Variants in STX3 observed in about 807,000 individuals in gnomAD.
STX3 encodes the protein syntaxin 3.
Under a neutral mutation model 40.2 loss-of-function variants are expected in STX3, and 19 were observed. That is an observed-to-expected ratio of 0.47 (90% CI 0.33 to 0.69). The LOEUF (loss-of-function observed/expected upper bound fraction) is 0.69, where lower values mean the gene tolerates loss of function less well. STX3 is among the 30% of genes least tolerant of loss of function. STX3 has a pLI of 0.02. For synonymous variants in STX3, 122 were observed against 132.2 expected (o/e 0.92, Z 0.53); for missense variants, 364 against 366.7 (o/e 0.99, Z 0.06).
Position 59,801,991 on chromosome 11 carries a change from C to T in STX3, c.*1167C>T. ...GAACTCTGGAGTGAGCTAAATTGAT[C>T]CCAATTAAGTTTTTCTGCTTAGCAG... On this transcript the variant is annotated 3_prime_UTR_variant, in exon 11 of 11. Coordinates refer to ENST00000337979, the MANE Select transcript of STX3 (RefSeq NM_004177.5). 1 of 985,392 alleles carries T rather than the reference C, an allele frequency of 1.0e-6. No homozygotes were observed. The allele number at this position is 985,392 out of a possible 1,614,324, so 61.0% of individuals were successfully genotyped here.
chr11:59,789,033 C>T (rs1203467739), intron 4 of STX3, 86 bp downstream of exon 4: 13 of 1,225,060 alleles, frequency 1.1e-5, no homozygotes, highest in Non-Finnish European at 1.5e-5. Flanking sequence ...ACTGAAACTC[C>T]TCTTGATGGA....
intron 2 of STX3, among the ~76,000 whole-genome samples, chr11:59,786,279 G>A (rs1025985696): frequency 5.7e-5 from 8 of 139,956 alleles, no homozygotes; most frequent in East Asian, 4.1e-4. Flanking sequence ...TCGCTGTGTC[G>A]TCCAGGCTGG....
chr11:59,802,227 TATC>T lies in STX3; in HGVS notation c.*1406_*1408del, dbSNP rs1865911933. ...CAGGTTCTTTGTCTCACTGAATTCT[TATC>T]ATGGAAACAGCAGCAGCAGCCGCTA... On this transcript the variant is annotated 3_prime_UTR_variant, in exon 11 of 11. Coordinates refer to ENST00000337979, the MANE Select transcript of STX3 (RefSeq NM_004177.5). 4 of 985,390 alleles carry T rather than the reference TATC, an allele frequency of 4.1e-6. No homozygotes were observed. The highest frequency in any genetic ancestry group is 6.1e-5 in the Admixed American group (1 of 16,270). The allele number at this position is 985,390 out of a possible 1,614,324, so 61.0% of individuals were successfully genotyped here. A position where few individuals can be genotyped will look rare whatever the true frequency, so the allele number is the denominator to read the frequency against.
intron 1 of STX3, among the ~76,000 whole-genome samples, chr11:59,765,801 C>CACAAACAA (rs1565163977): frequency 4.7e-5 from 7 of 150,348 alleles, no homozygotes; most frequent in Non-Finnish European, 8.9e-5. Flanking sequence ...AAGACTCTGT[C>CACAAACAA]TCAAACAAAC....
chr11:59,800,675 G>T, intron 10 of STX3, 180 bp from the exon 11 acceptor site: 1 of 985,374 alleles, frequency 1.0e-6, no homozygotes, highest in East Asian at 1.1e-4. Context: ...CCCTCTCACA[G>T]TAGGGCTTTT....
chr11:59,795,472 A>G lies in STX3; in HGVS notation c.776A>G (p.Gln259Arg), dbSNP rs779445211. The G allele has an allele frequency of 3.7e-6, 6 of 1,611,330 alleles. No individual in the cohort carries two copies. In the East Asian group the frequency reaches 1.3e-4, roughly 36 times the overall value. ...AAAAAAGCTGTGAAATACCAGAGTC[A>G]GGCCCGGAAGGTGAGACTCTCCTGT... is the stretch of plus-strand genomic sequence containing the variant. ...ETKKAVKYQS[Q>R]ARKKLIIIIV... The change falls in exon 9 of 11, where the codon CAG becomes CGG. Residue 259 changes from glutamine to arginine, a missense_variant. Transcript: ENST00000337979.
At chr11:59,759,756 T>C (rs1387032482) in intron 1 of STX3, among the ~76,000 whole-genome samples, 3 of 152,222 alleles carry the variant, frequency 2.0e-5, no homozygotes, top group Admixed American at 2.0e-4. Context: ...ATGGCTGTTA[T>C]TGGCCTCCTT....
rs1186888734 is a variant in STX3 at position 59,793,079 on chromosome 11, C to A, written c.467-20C>A. On this transcript the variant is annotated intron_variant, in intron 6 of 10. Coordinates refer to ENST00000337979, the MANE Select transcript of STX3 (RefSeq NM_004177.5). ...TCACCGTGATCTTATATTTGACGCT[C>A]TACTTCTTTTGTTACAAAGCTGGCA... is the stretch of plus-strand genomic sequence containing the variant. 6 of 1,612,040 alleles carry A rather than the reference C, an allele frequency of 3.7e-6. No homozygotes were observed. In the South Asian group the frequency reaches 6.6e-5, roughly 18 times the overall value.
intron 2 of STX3, among the ~76,000 whole-genome samples, chr11:59,777,510 C>T (rs1457410512): frequency 2.6e-5 from 4 of 152,202 alleles, no homozygotes; most frequent in African/African-American, 9.6e-5. Context: ...AGCAAGCCAG[C>T]GATGGAGCCT....
intron 1 of STX3, among the ~76,000 whole-genome samples, chr11:59,770,453 C>T (rs1863546235): frequency 6.6e-6 from 1 of 151,852 alleles, no homozygotes; most frequent in African/African-American, 2.4e-5. Flanking sequence ...TCTGTCCCCT[C>T]AGTCATTCTC....
chr11:59,781,521 C>T, intron 2 of STX3: 6 of 1,613,926 alleles, frequency 3.7e-6, no homozygotes, highest in Non-Finnish European at 5.1e-6. Context: ...TCCCAGGGTA[C>T]AAGAAAACTG....
At chr11:59,791,738 T>G (rs1392802919) in intron 5 of STX3, among the ~76,000 whole-genome samples, 2 of 152,142 alleles carry the variant, frequency 1.3e-5, no homozygotes, top group Admixed American at 1.3e-4. Context: ...CTCAAGGATC[T>G]TTGGTAAGTA....
intron 2 of STX3, among the ~76,000 whole-genome samples, chr11:59,786,061 C>T (rs183947104): frequency 7.9e-5 from 12 of 152,240 alleles, no homozygotes; most frequent in African/African-American, 2.6e-4. Flanking sequence ...CTTGTACAAT[C>T]AGGAGCCTTA....
intron 1 of STX3, among the ~76,000 whole-genome samples, chr11:59,772,296 T>C (rs538129372): frequency 6.6e-6 from 1 of 152,296 alleles, no homozygotes; most frequent in South Asian, 2.1e-4. Context: ...GGGAAGAACA[T>C]TGAACAGGAA....
chr11:59,803,371 A>G lies in STX3; in HGVS notation c.*2547A>G. On this transcript the variant is annotated 3_prime_UTR_variant, in exon 11 of 11. Coordinates refer to ENST00000337979, the MANE Select transcript of STX3 (RefSeq NM_004177.5). ...AACCTTTGTGTCTTGGGGGCACTCT[A>G]GGTGCCTTAATCTGGGTGGGATTAG... 1 of 991,024 alleles carries G rather than the reference A, an allele frequency of 1.0e-6. No homozygotes were observed. The highest frequency in any genetic ancestry group is 1.3e-6 in the Non-Finnish European group (1 of 768,748). The allele number at this position is 991,024 out of a possible 1,614,324, so 61.4% of individuals were successfully genotyped here. A position where few individuals can be genotyped will look rare whatever the true frequency, so the allele number is the denominator to read the frequency against.
chr11:59,798,619 A>G (rs1865677053), intron 10 of STX3, among the ~76,000 whole-genome samples: 1 of 151,818 alleles, frequency 6.6e-6, no homozygotes, highest in Admixed American at 6.6e-5. Flanking sequence ...TCCTGGGTTC[A>G]AGCGATTCTC....
In STX3 at chr11:59,773,412, G is replaced by A. The variant is rs1201019883; in HGVS notation, c.114+118G>A. On this transcript the variant is annotated intron_variant, in intron 2 of 10. Coordinates refer to ENST00000337979, the MANE Select transcript of STX3 (RefSeq NM_004177.5). ...AGAGGAAGGTCACAGTTTTTTGCTA[G>A]GGTGGGATGGCCAGACAAAGAAATT... 6.9e-6 allele frequency: 6 copies of A among 872,570 alleles called. No individual in the cohort carries two copies. In the East Asian group the frequency reaches 1.5e-4, roughly 22 times the overall value. 54.1% of individuals were successfully genotyped at this position (872,570 alleles called of 1,614,324 possible).
chr11:59,795,521 T>C, intron 9 of STX3, 39 bp downstream of exon 9: 1 of 1,584,640 alleles, frequency 6.3e-7, no homozygotes, highest in Non-Finnish European at 8.6e-7. Flanking sequence ...GAGAGTCCAT[T>C]TTGTTTGCTG....
intron 8 of STX3, among the ~76,000 whole-genome samples, chr11:59,794,808 A>G (rs1865419936): frequency 6.6e-6 from 1 of 152,252 alleles, no homozygotes; most frequent in South Asian, 2.1e-4. Flanking sequence ...TAGCTTGGGT[A>G]AACCCAATGT....
Sources: allele counts gnomAD v4.1 joint callset (sites outside exome capture counted in the v4.1 genomes callset), GRCh38; gene constraint gnomAD v4.1.1; transcripts MANE v1.5; gene names NCBI Gene and HGNC (gene_info 2026-07-23, HGNC 2026-07-21).